GNAI1: variants seen among roughly 807,000 people sequenced by gnomAD.
GNAI1 encodes G protein subunit alpha i1.
Under a neutral mutation model 38.9 loss-of-function variants are expected in GNAI1, and 11 were observed. That is an observed-to-expected ratio of 0.28 (90% CI 0.18 to 0.47). The LOEUF (loss-of-function observed/expected upper bound fraction) is 0.47, where lower values mean the gene tolerates loss of function less well. Ranked by LOEUF, GNAI1 falls within the 20% of genes least tolerant of loss-of-function variation. The probability of loss-of-function intolerance (pLI) is 0.99; values close to 1 mark genes in which losing one functional copy is unlikely to be tolerated. For missense variants in GNAI1, 317 were observed against 436.9 expected, an observed-to-expected ratio of 0.73 and a Z score of 2.45; for synonymous variants, 166 against 145.1, an observed-to-expected ratio of 1.14 and a Z score of -1.04.
intron 1 of GNAI1, among the ~76,000 whole-genome samples, chr7:80,168,058 C>G (rs946869215): frequency 6.6e-6 from 1 of 152,164 alleles, no homozygotes; most frequent in African/African-American, 2.4e-5. Context: ...CCCACAAATT[C>G]CCATTAAACT....
chr7:80,180,761 C>A (rs1177225235), intron 1 of GNAI1, among the ~76,000 whole-genome samples: 1 of 152,070 alleles, frequency 6.6e-6, no homozygotes, highest in Non-Finnish European at 1.5e-5. Context: ...CCAGGTCAGT[C>A]CAGTTGAGCT....
intron 1 of GNAI1, among the ~76,000 whole-genome samples, chr7:80,146,532 T>C (rs1177880946): frequency 6.6e-6 from 1 of 152,182 alleles, no homozygotes; most frequent in Non-Finnish European, 1.5e-5. Flanking sequence ...GCTGACCTTA[T>C]TTTTTTAGAG....
In GNAI1 at chr7:80,211,682, G is replaced by A. The variant is rs532266579; in HGVS notation, c.720+584G>A. ...GAGCCACCCATCTCGGCCTCCCAAA[G>A]TGCTGGGATTACAGGCCTGAGCCAC... On this transcript the variant is annotated intron_variant, in intron 6 of 7. Transcript: ENST00000649796. 1.2e-4 allele frequency among the ~76,000 whole-genome samples: 18 copies of A among 152,230 alleles called. No homozygotes were observed. The South Asian group carries it at 2.9e-3, about 25-fold the overall frequency.
chr7:80,204,176 TAA>T (rs1260766239), intron 5 of GNAI1, among the ~76,000 whole-genome samples: 3 of 152,110 alleles, frequency 2.0e-5, no homozygotes, highest in Non-Finnish European at 4.4e-5. Flanking sequence ...TTTTAGGTAA[TAA>T]GAGAGCAAGT....
Position 80,178,079 on chromosome 7 carries a change from G to C in GNAI1, c.119-10872G>C, listed in dbSNP as rs370860137. 1.4e-3 allele frequency among the ~76,000 whole-genome samples: 212 copies of C among 152,274 alleles called. 10 individuals are homozygous for C. The South Asian group carries it at 0.042, about 30-fold the overall frequency. ...CCTCATGAATGACTTTGAGGGGTTT[G>C]GGACTTCAGTAGAGGAAGAAGCTGC... On this transcript the variant is annotated intron_variant, in intron 1 of 7. Coordinates refer to ENST00000649796, the MANE Select transcript of GNAI1 (RefSeq NM_002069.6).
chr7:80,177,596 C>T (rs1788210130), intron 1 of GNAI1, among the ~76,000 whole-genome samples: 1 of 152,162 alleles, frequency 6.6e-6, no homozygotes, highest in South Asian at 2.1e-4. Flanking sequence ...ATTCTCCCTC[C>T]ATAGCCTCCC....
intron 7 of GNAI1, among the ~76,000 whole-genome samples, chr7:80,215,840 G>A (rs1788959321): frequency 6.6e-6 from 1 of 152,188 alleles, no homozygotes; most frequent in Non-Finnish European, 1.5e-5. Context: ...TTGAGCAAAT[G>A]TGAAGGCAGG....
chr7:80,150,446 A>G (rs772528631), intron 1 of GNAI1, among the ~76,000 whole-genome samples: 1 of 152,222 alleles, frequency 6.6e-6, no homozygotes, highest in Non-Finnish European at 1.5e-5. Context: ...TTGTAAAGTG[A>G]TATGCTTTAT....
chr7:80,168,641 C>G (rs1470728805), intron 1 of GNAI1, among the ~76,000 whole-genome samples: 1 of 152,114 alleles, frequency 6.6e-6, no homozygotes, highest in Non-Finnish European at 1.5e-5. Flanking sequence ...CCTTGGCCTC[C>G]CAAAGTGCTG....
chr7:80,179,174 C>T (rs894349520), intron 1 of GNAI1, among the ~76,000 whole-genome samples: 3 of 152,088 alleles, frequency 2.0e-5, no homozygotes, highest in African/African-American at 7.2e-5. Context: ...AACTAGTTAG[C>T]AACTTAATGA....
intron 5 of GNAI1, among the ~76,000 whole-genome samples, chr7:80,210,056 G>A (rs1011219072): frequency 2.6e-5 from 4 of 152,042 alleles, no homozygotes; most frequent in Admixed American, 6.6e-5. Flanking sequence ...ATTAAATAGG[G>A]ACTATTTTAA....
chr7:80,149,988 C>CTA (rs982109117), intron 1 of GNAI1, among the ~76,000 whole-genome samples: 1 of 152,162 alleles, frequency 6.6e-6, no homozygotes. Flanking sequence ...AGCATACCAT[C>CTA]TATATACCAC....
intron 1 of GNAI1, among the ~76,000 whole-genome samples, chr7:80,153,963 C>T (rs1451504823): frequency 3.3e-5 from 5 of 152,100 alleles, no homozygotes; most frequent in Admixed American, 3.3e-4. Flanking sequence ...CATTCTGTCA[C>T]CCAGGCTGGA....
intron 1 of GNAI1, among the ~76,000 whole-genome samples, chr7:80,155,462 G>A (rs749799389): frequency 7.2e-5 from 11 of 152,086 alleles, no homozygotes; most frequent in Non-Finnish European, 1.0e-4. Context: ...AGTGATTTCC[G>A]TTAGGTAGTT....
At chr7:80,201,271 G>C (rs1207886815) in intron 4 of GNAI1, among the ~76,000 whole-genome samples, 1 of 152,182 alleles carries the variant, frequency 6.6e-6, no homozygotes, top group Non-Finnish European at 1.5e-5. Flanking sequence ...TTTGAGTCGA[G>C]TCCAGCAAAA....
chr7:80,208,303 T>C (rs1045799223), intron 5 of GNAI1, among the ~76,000 whole-genome samples: 13 of 152,178 alleles, frequency 8.5e-5, no homozygotes, highest in African/African-American at 3.1e-4. Flanking sequence ...GTATATAAAA[T>C]AATGAAGATA....
At position 80,185,600 on chromosome 7, in the gene GNAI1, C is replaced by T. The variant is rs571928815; in HGVS notation, c.119-3351C>T. Among the ~76,000 whole-genome samples the T allele has an allele frequency of 1.5e-4, 23 of 152,248 alleles. No homozygotes were observed. In the East Asian group the frequency reaches 4.1e-3, roughly 27 times the overall value. Reference sequence around the variant, plus strand: ...CAAACTCCTCAGGCAGATAGATTTGCGGTTTCCTCTATCTCTGTTCGGTGG... The same window carrying T: ...CAAACTCCTCAGGCAGATAGATTTGTGGTTTCCTCTATCTCTGTTCGGTGG... On this transcript the variant is annotated intron_variant, in intron 1 of 7. Transcript: ENST00000649796.
intron 1 of GNAI1, among the ~76,000 whole-genome samples, chr7:80,165,792 T>C (rs1205479458): frequency 6.6e-6 from 1 of 152,178 alleles, no homozygotes; most frequent in Non-Finnish European, 1.5e-5. Context: ...TCTCTCAAAA[T>C]TTCTGATTTG....
intron 3 of GNAI1, among the ~76,000 whole-genome samples, chr7:80,192,837 G>A (rs2115646573): frequency 6.6e-6 from 1 of 152,026 alleles, no homozygotes; most frequent in African/African-American, 2.4e-5. Context: ...TAGGATTGCA[G>A]GTGTCCACCA....
Sources: gnomAD v4.1 joint callset for allele counts (sites outside exome capture counted in the v4.1 genomes callset) on GRCh38, gnomAD v4.1.1 for gene constraint, MANE v1.5 for transcripts, NCBI Gene and HGNC (gene_info 2026-07-23, HGNC 2026-07-21) for gene names.